ITGA1: variants seen among roughly 807,000 people sequenced by gnomAD.
The protein encoded by ITGA1 is integrin subunit alpha 1.
A neutral mutation model predicts 145.9 loss-of-function variants in ITGA1; 85 were observed. That is an observed-to-expected ratio of 0.58 (90% CI 0.49 to 0.70). ITGA1 has a LOEUF of 0.70. ITGA1 is among the 30% of genes least tolerant of loss of function. The probability of loss-of-function intolerance (pLI) is 0.00; values close to 1 mark genes in which losing one functional copy is unlikely to be tolerated. For missense variants in ITGA1, 1,351 were observed against 1,418.7 expected, an observed-to-expected ratio of 0.95 and a Z score of 0.77; for synonymous variants, 520 against 495.3, an observed-to-expected ratio of 1.05 and a Z score of -0.66.
intron 1 of ITGA1, among the ~76,000 whole-genome samples, chr5:52,818,601 G>C (rs1748815236): frequency 6.6e-6 from 1 of 152,082 alleles, no homozygotes; most frequent in African/African-American, 2.4e-5. Flanking sequence ...AGTGGTTTTT[G>C]GGTGATTCTT....
intron 1 of ITGA1, among the ~76,000 whole-genome samples, chr5:52,805,662 T>C (rs1184404762): frequency 6.6e-6 from 1 of 152,136 alleles, no homozygotes. Flanking sequence ...TAAAAGATTT[T>C]TTCAGGATTC....
chr5:52,922,788 C>T lies in ITGA1; in HGVS notation c.2304C>T (p.Asp768=). 3 of 1,609,412 alleles carry T rather than the reference C, an allele frequency of 1.9e-6. No homozygotes were observed. The highest frequency in any genetic ancestry group is 1.7e-5 in the Admixed American group (1 of 59,942). Residue 768 remains aspartate (D), a synonymous_variant, in exon 18 of 29, where the codon GAC becomes GAT. Transcript: ENST00000282588. ...KHSFYMLDKH[D]FQDSVRITLD... ...GTTTCACCCTCTAGGACAAGCATGA[C>T]TTTCAGGACTCTGTGAGAATAACGT...
Position 52,955,879 on chromosome 5 carries a change from T to C in ITGA1, c.*3428T>C, listed in dbSNP as rs1210481676. The C allele has an allele frequency of 6.6e-6, 1 of 152,092 alleles. No individual in the cohort carries two copies. The highest frequency in any genetic ancestry group is 1.5e-5 in the Non-Finnish European group (1 of 68,024). The allele number at this position is 152,092 out of a possible 1,614,324, so 9.4% of individuals were successfully genotyped here. A position where few individuals can be genotyped will look rare whatever the true frequency, so the allele number is the denominator to read the frequency against. ...AAAAGAGGCTTGTAGTAAACAGATA[T>C]TTTTACAAAATTTGATGCTTCTGCA... On this transcript the variant is annotated 3_prime_UTR_variant, in exon 29 of 29. Coordinates refer to ENST00000282588, the MANE Select transcript of ITGA1 (RefSeq NM_181501.2).
At chr5:52,948,184 T>C (rs974811458) in intron 28 of ITGA1, among the ~76,000 whole-genome samples, 3 of 152,196 alleles carry the variant, frequency 2.0e-5, no homozygotes, top group African/African-American at 7.2e-5. Flanking sequence ...TTAAGTAGAA[T>C]TGAGATGACA....
At chr5:52,868,521 C>G (rs369855370) in intron 6 of ITGA1, among the ~76,000 whole-genome samples, 81 of 152,332 alleles carry the variant, frequency 5.3e-4, no homozygotes, top group African/African-American at 1.9e-3. Context: ...AGGAGCTATT[C>G]TGCCTGTCCA....
chr5:52,809,929 C>T (rs1288650617), intron 1 of ITGA1, among the ~76,000 whole-genome samples: 3 of 152,110 alleles, frequency 2.0e-5, no homozygotes, highest in East Asian at 1.9e-4. Context: ...AAGGAGATTC[C>T]ATTACCTCCT....
chr5:52,946,862 C>T (rs111302983), intron 27 of ITGA1, among the ~76,000 whole-genome samples: 21 of 152,270 alleles, frequency 1.4e-4, no homozygotes, highest in African/African-American at 4.8e-4. Context: ...CTTACCCATA[C>T]ACTTGACATG....
At chr5:52,913,134 A>G (rs1750593976) in intron 14 of ITGA1, among the ~76,000 whole-genome samples, 1 of 152,022 alleles carries the variant, frequency 6.6e-6, no homozygotes, top group Admixed American at 6.5e-5. Flanking sequence ...GAAACAGTTA[A>G]AAAAAAGAAT....
chr5:52,808,710 TGAA>T (rs1748638614), intron 1 of ITGA1, among the ~76,000 whole-genome samples: 1 of 145,832 alleles, frequency 6.9e-6, no homozygotes, highest in East Asian at 2.0e-4. Context: ...TTGATGAGTT[TGAA>T]GAGGAAGCTT....
chr5:52,942,127 TG>T (rs1751062519), intron 26 of ITGA1, among the ~76,000 whole-genome samples: 1 of 152,182 alleles, frequency 6.6e-6, no homozygotes, highest in Non-Finnish European at 1.5e-5. Context: ...TCTGTTTCAC[TG>T]GTCCATGTGG....
At chr5:52,936,423 C>G (rs1750965634) in intron 23 of ITGA1, among the ~76,000 whole-genome samples, 1 of 152,172 alleles carries the variant, frequency 6.6e-6, no homozygotes, top group Non-Finnish European at 1.5e-5. Context: ...TTCGTCTTTA[C>G]AAACCCAGGA....
intron 8 of ITGA1, among the ~76,000 whole-genome samples, chr5:52,891,521 G>T (rs1579701648): frequency 7.3e-6 from 1 of 136,320 alleles, no homozygotes; most frequent in Non-Finnish European, 1.5e-5. Flanking sequence ...CTTGTGTCCA[G>T]TTTGAGTTAT....
chr5:52,805,526 G>A lies in ITGA1; in HGVS notation c.61+17112G>A, dbSNP rs534297947. ...ACTGCAGATTGCTGTTTAGAGTTAT[G>A]GAAAAAAGTAGAATCCAAAGGTAAA... On this transcript the variant is annotated intron_variant, in intron 1 of 28. Transcript: ENST00000282588. 2.6e-5 allele frequency among the ~76,000 whole-genome samples: 4 copies of A among 152,140 alleles called. No homozygotes were observed. The South Asian group carries it at 6.2e-4, about 24-fold the overall frequency.
intron 27 of ITGA1, among the ~76,000 whole-genome samples, chr5:52,946,990 T>C (rs765202188): frequency 6.6e-6 from 1 of 152,234 alleles, no homozygotes; most frequent in Non-Finnish European, 1.5e-5. Flanking sequence ...ACTAATGCTA[T>C]TGTGATAATA....
rs1252312027 is a variant in ITGA1, at chr5:52,849,494, G to A, written c.182+9G>A. ...AATGAAGAAGGAAAATGGTAAGCCA[G>A]TGGGTTTTGTTGTTGTTATTTACTT... On this transcript the variant is annotated intron_variant, in intron 2 of 28. Coordinates refer to ENST00000282588, the MANE Select transcript of ITGA1 (RefSeq NM_181501.2). 1.3e-6 allele frequency: 2 copies of A among 1,589,740 alleles called. No individual in the cohort carries two copies. The highest frequency in any genetic ancestry group is 1.3e-5 in the African/African-American group (1 of 74,682).
intron 9 of ITGA1, among the ~76,000 whole-genome samples, chr5:52,895,747 T>A (rs950202420): frequency 2.6e-5 from 4 of 152,102 alleles, no homozygotes; most frequent in African/African-American, 9.7e-5. Flanking sequence ...CTCCAAGAAG[T>A]CTCTATATTT....
intron 2 of ITGA1, among the ~76,000 whole-genome samples, chr5:52,860,719 A>C (rs1471260698): frequency 1.3e-5 from 2 of 152,220 alleles, no homozygotes; most frequent in African/African-American, 4.8e-5. Context: ...CAAGTATCTT[A>C]CTATTTACTT....
intron 1 of ITGA1, among the ~76,000 whole-genome samples, chr5:52,793,107 C>T (rs930058052): frequency 2.6e-5 from 4 of 152,022 alleles, no homozygotes; most frequent in African/African-American, 4.8e-5. Context: ...TAGATTGGAC[C>T]CTACCTTAGG....
rs1580051079 is a variant in ITGA1, at chr5:52,829,213, T to C, written c.62-20152T>C. On this transcript the variant is annotated intron_variant, in intron 1 of 28. Coordinates refer to ENST00000282588, the MANE Select transcript of ITGA1 (RefSeq NM_181501.2). ...TAGGCTTCAGTTTTTAAAAGATGGC[T>C]TTAAAAAACAAAATGGAAAACAATT... is the stretch of plus-strand genomic sequence containing the variant. Among the ~76,000 whole-genome samples, 3 of 152,260 alleles carry C rather than the reference T, an allele frequency of 2.0e-5. No individual in the cohort carries two copies. In the South Asian group the frequency reaches 6.2e-4, roughly 32 times the overall value.
Sources: gnomAD v4.1 joint callset for allele counts (sites outside exome capture counted in the v4.1 genomes callset) on GRCh38, gnomAD v4.1.1 for gene constraint, MANE v1.5 for transcripts, NCBI Gene and HGNC (gene_info 2026-07-23, HGNC 2026-07-21) for gene names.